GPC5: variants seen among roughly 807,000 people sequenced by gnomAD.
GPC5 encodes the protein glypican-5.
In GPC5, 47 loss-of-function variants were observed where a neutral mutation model predicts 53.9. The observed-to-expected ratio is 0.87, with a 90% CI of 0.69 to 1.11. The LOEUF (loss-of-function observed/expected upper bound fraction) is 1.11, where lower values mean the gene tolerates loss of function less well. GPC5 is among the 50% of genes most tolerant of loss of function. GPC5 has a pLI of 0.00. For synonymous variants in GPC5, 286 were observed against 263.3 expected, an observed-to-expected ratio of 1.09 and a Z score of -0.84; for missense variants, 748 against 713.1, an observed-to-expected ratio of 1.05 and a Z score of -0.56.
At chr13:92,572,048 A>T (rs1275162178) in intron 7 of GPC5, among the ~76,000 whole-genome samples, 1 of 152,168 alleles carries the variant, frequency 6.6e-6, no homozygotes, top group African/African-American at 2.4e-5. Context: ...AAAAGAAAAA[A>T]AAGTAAGCTG....
At chr13:92,460,347 G>T (rs879417682) in intron 7 of GPC5, among the ~76,000 whole-genome samples, 1 of 152,036 alleles carries the variant, frequency 6.6e-6, no homozygotes, top group Admixed American at 6.6e-5. Context: ...CATGTACAAG[G>T]CATACATTTA....
chr13:91,833,876 A>G (rs974593583), intron 5 of GPC5, among the ~76,000 whole-genome samples: 1 of 152,084 alleles, frequency 6.6e-6, no homozygotes, highest in Admixed American at 6.6e-5. Flanking sequence ...TCAACATTGT[A>G]TTGGAAGTTC....
At chr13:92,807,647 G>C (rs1195020967) in intron 7 of GPC5, among the ~76,000 whole-genome samples, 1 of 152,088 alleles carries the variant, frequency 6.6e-6, no homozygotes, top group Non-Finnish European at 1.5e-5. Flanking sequence ...GTTGTTTATA[G>C]AATAGCTTGG....
intron 6 of GPC5, among the ~76,000 whole-genome samples, chr13:92,119,390 GTTTTTTT>G (rs386380215): frequency 1.5e-5 from 1 of 65,672 alleles, no homozygotes; most frequent in African/African-American, 6.5e-5. Flanking sequence ...TAGGATTTTA[GTTTTTTT>G]TTTTTTTTTT....
intron 7 of GPC5, among the ~76,000 whole-genome samples, chr13:92,279,174 A>G (rs2042896221): frequency 6.6e-6 from 1 of 151,906 alleles, no homozygotes; most frequent in Non-Finnish European, 1.5e-5. Context: ...ATTTCCATTT[A>G]TTTGGGCCTT....
chr13:91,500,474 T>G (rs567391690), intron 2 of GPC5, among the ~76,000 whole-genome samples: 1 of 152,128 alleles, frequency 6.6e-6, no homozygotes, highest in Admixed American at 6.6e-5. Context: ...CAAGGAAAAA[T>G]ATAGGATGCT....
chr13:92,723,889 G>A (rs1023470553), intron 7 of GPC5, among the ~76,000 whole-genome samples: 9 of 151,470 alleles, frequency 5.9e-5, no homozygotes, highest in African/African-American at 1.9e-4. Flanking sequence ...AAACAATAGA[G>A]TACTTTGGAA....
At chr13:92,260,819 T>G (rs1384180177) in intron 7 of GPC5, among the ~76,000 whole-genome samples, 1 of 152,174 alleles carries the variant, frequency 6.6e-6, no homozygotes, top group Non-Finnish European at 1.5e-5. Context: ...TTAATTAACA[T>G]GAGAATTGAA....
intron 7 of GPC5, among the ~76,000 whole-genome samples, chr13:92,549,336 T>C (rs1882230883): frequency 6.6e-6 from 1 of 152,116 alleles, no homozygotes; most frequent in Non-Finnish European, 1.5e-5. Flanking sequence ...TTTTTTATTT[T>C]TCTGACGCTG....
At chr13:92,137,718 T>C (rs908963703) in intron 6 of GPC5, among the ~76,000 whole-genome samples, 1 of 152,186 alleles carries the variant, frequency 6.6e-6, no homozygotes, top group African/African-American at 2.4e-5. Flanking sequence ...GTCCACCTCC[T>C]GGGCTTAAGC....
At chr13:91,900,518 A>G (rs779336423) in intron 5 of GPC5, among the ~76,000 whole-genome samples, 1 of 152,134 alleles carries the variant, frequency 6.6e-6, no homozygotes, top group East Asian at 1.9e-4. Flanking sequence ...AATTGATTAT[A>G]GTTATAATTG....
intron 7 of GPC5, among the ~76,000 whole-genome samples, chr13:92,365,000 A>G (rs976180087): frequency 1.3e-5 from 2 of 151,742 alleles, no homozygotes; most frequent in Non-Finnish European, 2.9e-5. Flanking sequence ...CATAGGGAGT[A>G]TATCCCCATG....
intron 7 of GPC5, among the ~76,000 whole-genome samples, chr13:92,611,091 G>A (rs1215849879): frequency 6.6e-6 from 1 of 151,340 alleles, no homozygotes; most frequent in East Asian, 1.9e-4. Flanking sequence ...TAAGAGATAT[G>A]AGGATATCTA....
chr13:92,833,625 A>G (rs1193268867), intron 7 of GPC5, among the ~76,000 whole-genome samples: 2 of 152,196 alleles, frequency 1.3e-5, no homozygotes, highest in Non-Finnish European at 2.9e-5. Flanking sequence ...TACAGATACT[A>G]TTCACATTTT....
chr13:91,738,543 A>G (rs993640960), intron 4 of GPC5, among the ~76,000 whole-genome samples: 3 of 151,302 alleles, frequency 2.0e-5, no homozygotes, highest in Non-Finnish European at 2.9e-5. Context: ...TGGGCTTAAG[A>G]CTGCTGTCTT....
chr13:92,665,965 G>A (rs1342037996), intron 7 of GPC5, among the ~76,000 whole-genome samples: 1 of 152,146 alleles, frequency 6.6e-6, no homozygotes, highest in Admixed American at 6.6e-5. Flanking sequence ...CAAATGCCCT[G>A]TGATATAAAA....
At chr13:92,101,266 C>T (rs565730390) in intron 6 of GPC5, among the ~76,000 whole-genome samples, 51 of 152,034 alleles carry the variant, frequency 3.4e-4, no homozygotes, top group Non-Finnish European at 7.5e-4. Flanking sequence ...TAAAATTTTA[C>T]TACTTAATAT....
chr13:92,624,782 A>G (rs1410808746), intron 7 of GPC5, among the ~76,000 whole-genome samples: 28 of 152,228 alleles, frequency 1.8e-4, no homozygotes, highest in African/African-American at 2.4e-5. Flanking sequence ...GAGACATAAC[A>G]CAATCTCTAA....
At chr13:92,782,177 C>A (rs1703566799) in intron 7 of GPC5, among the ~76,000 whole-genome samples, 1 of 151,998 alleles carries the variant, frequency 6.6e-6, no homozygotes. Flanking sequence ...AATCATAAAT[C>A]ACCACCATTC....
Sources: allele counts gnomAD v4.1 joint callset (sites outside exome capture counted in the v4.1 genomes callset), GRCh38; gene constraint gnomAD v4.1.1; transcripts MANE v1.5; gene names NCBI Gene and HGNC (gene_info 2026-07-23, HGNC 2026-07-21).